The following HS3ST4 variants were observed in gnomAD, a reference collection of about 807,000 sequenced individuals.
HS3ST4 encodes heparan sulfate-glucosamine 3-sulfotransferase 4.
In HS3ST4, 17 loss-of-function variants were observed where a neutral mutation model predicts 29.2. That is an observed-to-expected ratio of 0.58 (90% CI 0.40 to 0.87). HS3ST4 has a LOEUF of 0.87. Ranked by LOEUF, HS3ST4 falls within the 40% of genes least tolerant of loss-of-function variation. The pLI, the probability that HS3ST4 is intolerant of heterozygous loss-of-function variation, is 0.00. For missense variants in HS3ST4, 627 were observed against 634.5 expected (o/e 0.99, Z 0.13); for synonymous variants, 314 against 285.7 (o/e 1.10, Z -1.00).
intron 1 of HS3ST4, among the ~76,000 whole-genome samples, chr16:26,117,663 G>A (rs968278511): frequency 6.6e-6 from 1 of 152,238 alleles, no homozygotes; most frequent in Non-Finnish European, 1.5e-5. Context: ...TGGTAGCAAT[G>A]AGATGGAGGC....
chr16:25,800,076 T>TCCTTCCTTCCTTCCTG (rs1311545271), intron 1 of HS3ST4, among the ~76,000 whole-genome samples: 33 of 150,462 alleles, frequency 2.2e-4, no homozygotes, highest in Non-Finnish European at 3.5e-4. Context: ...CTTCCTTCCT[T>TCCTTCCTTCCTTCCTG]CCTTCCTTCC....
chr16:25,771,985 G>A (rs955151731), intron 1 of HS3ST4, among the ~76,000 whole-genome samples: 2 of 152,096 alleles, frequency 1.3e-5, no homozygotes, highest in African/African-American at 4.8e-5. Flanking sequence ...CTAGTCTGGC[G>A]TTGGCAAACT....
chr16:25,994,145 T>C (rs1006956901), intron 1 of HS3ST4, among the ~76,000 whole-genome samples: 9 of 152,232 alleles, frequency 5.9e-5, no homozygotes, highest in East Asian at 1.9e-4. Flanking sequence ...ACCATCACAT[T>C]TGGGGGCTAG....
chr16:25,728,222 G>A (rs1463498534), intron 1 of HS3ST4, among the ~76,000 whole-genome samples: 1 of 152,070 alleles, frequency 6.6e-6, no homozygotes, highest in Non-Finnish European at 1.5e-5. Flanking sequence ...GGATGGTCTC[G>A]ATCTCCTGAC....
At chr16:26,068,391 GTA>G (rs1555482098) in intron 1 of HS3ST4, among the ~76,000 whole-genome samples, 1 of 152,114 alleles carries the variant, frequency 6.6e-6, no homozygotes, top group Non-Finnish European at 1.5e-5. Flanking sequence ...AAAGTTTAAC[GTA>G]GATCTTAGGA....
chr16:25,728,943 T>C (rs1236946126), intron 1 of HS3ST4, among the ~76,000 whole-genome samples: 1 of 151,034 alleles, frequency 6.6e-6, no homozygotes, highest in South Asian at 2.1e-4. Context: ...ATTAGCTGAG[T>C]ATGGTGGCCT....
At chr16:26,096,357 C>G (rs1249680638) in intron 1 of HS3ST4, among the ~76,000 whole-genome samples, 1 of 152,164 alleles carries the variant, frequency 6.6e-6, no homozygotes, top group Non-Finnish European at 1.5e-5. Flanking sequence ...AAAATACTGG[C>G]AAACCGAATC....
At chr16:25,815,582 C>T (rs531170458) in intron 1 of HS3ST4, among the ~76,000 whole-genome samples, 1 of 152,188 alleles carries the variant, frequency 6.6e-6, no homozygotes, top group African/African-American at 2.4e-5. Context: ...CTTGACCCCC[C>T]ACAGTGCTGG....
At chr16:25,793,580 A>G (rs1208031385) in intron 1 of HS3ST4, among the ~76,000 whole-genome samples, 2 of 151,970 alleles carry the variant, frequency 1.3e-5, no homozygotes, top group African/African-American at 2.4e-5. Flanking sequence ...ACTTTGCTGC[A>G]TATTAGTATA....
chr16:25,804,872 A>G (rs935655521), intron 1 of HS3ST4, among the ~76,000 whole-genome samples: 3 of 152,092 alleles, frequency 2.0e-5, no homozygotes, highest in Non-Finnish European at 4.4e-5. Flanking sequence ...GCTAACACTT[A>G]ATATTAACAC....
At chr16:25,876,029 A>G (rs1034112974) in intron 1 of HS3ST4, among the ~76,000 whole-genome samples, 1 of 152,152 alleles carries the variant, frequency 6.6e-6, no homozygotes, top group Non-Finnish European at 1.5e-5. Flanking sequence ...AAGGAATTTC[A>G]GAATTGGAAG....
At chr16:25,755,459 T>C (rs1249622617) in intron 1 of HS3ST4, among the ~76,000 whole-genome samples, 1 of 152,038 alleles carries the variant, frequency 6.6e-6, no homozygotes, top group Non-Finnish European at 1.5e-5. Flanking sequence ...AACCATGGCA[T>C]GCATGGAGAG....
intron 1 of HS3ST4, among the ~76,000 whole-genome samples, chr16:25,787,611 A>G (rs1254079234): frequency 6.6e-6 from 1 of 152,232 alleles, no homozygotes; most frequent in East Asian, 1.9e-4. Context: ...GTCACCTGCC[A>G]CCTGCACACT....
At chr16:25,968,249 C>A (rs74013226) in intron 1 of HS3ST4, among the ~76,000 whole-genome samples, 2 of 152,076 alleles carry the variant, frequency 1.3e-5, no homozygotes, top group Non-Finnish European at 2.9e-5. Context: ...GGACATCATG[C>A]CAGCAAATGT....
intron 1 of HS3ST4, among the ~76,000 whole-genome samples, chr16:25,746,491 G>A (rs113615948): frequency 0.013 from 1,993 of 151,954 alleles, 44 homozygotes; most frequent in African/African-American, 0.046. Flanking sequence ...CACATGGTGC[G>A]TAGTCAGAAA....
intron 1 of HS3ST4, among the ~76,000 whole-genome samples, chr16:26,019,529 G>C (rs541584509): frequency 6.6e-6 from 1 of 152,250 alleles, no homozygotes; most frequent in East Asian, 1.9e-4. Flanking sequence ...AGGGCTGGCT[G>C]TACTAATTGC....
In HS3ST4 at chr16:25,692,722, C is replaced by CGCT. The variant is rs1341045703; in HGVS notation, c.307_309dup (p.Leu103dup). 2.9e-5 allele frequency: 36 copies of CGCT among 1,259,146 alleles called. No homozygotes were observed. The highest frequency in any genetic ancestry group is 3.0e-6 in the Non-Finnish European group (3 of 1,004,872). 78.0% of individuals were successfully genotyped at this position (1,259,146 alleles called of 1,614,324 possible). On this transcript the variant is annotated inframe_insertion, in exon 1 of 2. Transcript: ENST00000331351. ...CCCTCGCAGCCGCCCGCGCCGCCGCCGCTGGACAACGCGAGCCACGGGGAG... is the reference window on the plus strand; with the variant it reads ...CCCTCGCAGCCGCCCGCGCCGCCGCCGCTGCTGGACAACGCGAGCCACGGGGAG...
chr16:25,984,763 A>G (rs112705552), intron 1 of HS3ST4, among the ~76,000 whole-genome samples: 4 of 152,308 alleles, frequency 2.6e-5, no homozygotes, highest in African/African-American at 7.2e-5. Flanking sequence ...ACAGCTGCAT[A>G]GTATTCCATT....
chr16:25,714,384 C>T (rs1241266608), intron 1 of HS3ST4, among the ~76,000 whole-genome samples: 8 of 152,158 alleles, frequency 5.3e-5, no homozygotes, highest in Admixed American at 3.3e-4. Flanking sequence ...ATGACACTGA[C>T]GAGAAGTTAT....
Sources: gnomAD v4.1 joint callset for allele counts (sites outside exome capture counted in the v4.1 genomes callset) on GRCh38, gnomAD v4.1.1 for gene constraint, MANE v1.5 for transcripts, NCBI Gene and HGNC (gene_info 2026-07-23, HGNC 2026-07-21) for gene names.